SPPL3: variants seen among roughly 807,000 people sequenced by gnomAD.
SPPL3 encodes the protein signal peptide peptidase-like 3.
SPPL3 carries 5 observed loss-of-function variants against 42.4 expected under a neutral mutation model. The observed-to-expected ratio is 0.12, with a 90% confidence interval of 0.06 to 0.25. SPPL3 has a LOEUF of 0.25. Ranked by LOEUF, SPPL3 falls within the 10% of genes least tolerant of loss-of-function variation. SPPL3 has a pLI of 1.00. For missense variants in SPPL3, 235 were observed against 489.0 expected (o/e 0.48, Z 4.90); for synonymous variants, 195 against 181.8 (o/e 1.07, Z -0.58).
intron 1 of SPPL3, among the ~76,000 whole-genome samples, chr12:120,892,503 A>G (rs929599285): frequency 3.3e-5 from 5 of 152,196 alleles, no homozygotes; most frequent in African/African-American, 9.6e-5. Flanking sequence ...CAAACGAGGC[A>G]GAAGAGTCAC....
intron 1 of SPPL3, among the ~76,000 whole-genome samples, chr12:120,894,945 TCAAACAAACAAA>T (rs61465383): frequency 3.3e-5 from 5 of 150,528 alleles, no homozygotes; most frequent in African/African-American, 7.3e-5. Context: ...AGAGTCCGTC[TCAAACAAACAAA>T]CAAACAAACA....
At chr12:120,779,820 C>CAAAAAAAAAAAAAAAA (rs1164272443) in intron 6 of SPPL3, among the ~76,000 whole-genome samples, 5 of 42,778 alleles carry the variant, frequency 1.2e-4, no homozygotes, top group African/African-American at 3.5e-4. Flanking sequence ...ACTAAAAATA[C>CAAAAAAAAAAAAAAAA]AAAAAAAAAA....
At chr12:120,774,870 T>G (rs920391177) in intron 6 of SPPL3, among the ~76,000 whole-genome samples, 13 of 152,158 alleles carry the variant, frequency 8.5e-5, no homozygotes, top group African/African-American at 3.1e-4. Context: ...CACTTAACTT[T>G]TGGTTAAATG....
At chr12:120,897,594 G>A (rs547355246) in intron 1 of SPPL3, among the ~76,000 whole-genome samples, 3 of 152,014 alleles carry the variant, frequency 2.0e-5, no homozygotes, top group Non-Finnish European at 4.4e-5. Flanking sequence ...GTGGTGGCGG[G>A]TGCCTGTAGT....
At chr12:120,841,651 G>A (rs1329948409) in intron 1 of SPPL3, among the ~76,000 whole-genome samples, 1 of 152,162 alleles carries the variant, frequency 6.6e-6, no homozygotes, top group Non-Finnish European at 1.5e-5. Context: ...TCTGGAATAT[G>A]AAACAAAACG....
At chr12:120,800,738 T>C (rs1004395777) in intron 2 of SPPL3, among the ~76,000 whole-genome samples, 2 of 152,282 alleles carry the variant, frequency 1.3e-5, no homozygotes, top group East Asian at 1.9e-4. Flanking sequence ...CAATTATTGA[T>C]ACTTACATAG....
At chr12:120,854,347 T>C (rs998249726) in intron 1 of SPPL3, among the ~76,000 whole-genome samples, 2 of 152,236 alleles carry the variant, frequency 1.3e-5, no homozygotes, top group African/African-American at 4.8e-5. Flanking sequence ...GTTTTGGTGA[T>C]AAGTGTTGAA....
At chr12:120,884,739 T>C (rs184825891) in intron 1 of SPPL3, among the ~76,000 whole-genome samples, 82 of 151,742 alleles carry the variant, frequency 5.4e-4, no homozygotes, top group African/African-American at 1.9e-3. Flanking sequence ...CATAATTCCT[T>C]ATCTGACACC....
At chr12:120,806,322 C>T (rs951526729) in intron 2 of SPPL3, among the ~76,000 whole-genome samples, 13 of 151,556 alleles carry the variant, frequency 8.6e-5, no homozygotes, top group African/African-American at 2.2e-4. Flanking sequence ...CCTTAGCTCG[C>T]GAGTCGCTGG....
At chr12:120,856,060 C>A (rs1026125122) in intron 1 of SPPL3, among the ~76,000 whole-genome samples, 1 of 152,208 alleles carries the variant, frequency 6.6e-6, no homozygotes, top group Non-Finnish European at 1.5e-5. Context: ...CCACTAGCCA[C>A]ATGGGACTAC....
At chr12:120,814,521 A>G (rs1206307943) in intron 1 of SPPL3, among the ~76,000 whole-genome samples, 3 of 152,202 alleles carry the variant, frequency 2.0e-5, no homozygotes, top group South Asian at 4.1e-4. Flanking sequence ...TTCTAAAATT[A>G]TGTTTCTTGC....
intron 1 of SPPL3, among the ~76,000 whole-genome samples, chr12:120,827,502 G>C (rs1401412815): frequency 6.6e-6 from 1 of 152,006 alleles, no homozygotes; most frequent in African/African-American, 2.4e-5. Flanking sequence ...ATCAGCTTTA[G>C]AGATGAGGAT....
chr12:120,851,329 G>C (rs552573930), intron 1 of SPPL3, among the ~76,000 whole-genome samples: 2 of 151,630 alleles, frequency 1.3e-5, no homozygotes, highest in African/African-American at 4.8e-5. Context: ...TTCTCATACA[G>C]TTTTTTTTTA....
intron 1 of SPPL3, among the ~76,000 whole-genome samples, chr12:120,870,972 CA>C (rs531251027): frequency 1.6e-3 from 229 of 147,142 alleles, no homozygotes; most frequent in Middle Eastern, 0.01. Context: ...TACTAAAACA[CA>C]AAAAAAAACA....
intron 1 of SPPL3, among the ~76,000 whole-genome samples, chr12:120,899,888 C>CAAA (rs34814522): frequency 0.091 from 6,456 of 70,884 alleles, 747 homozygotes; most frequent in African/African-American, 0.17. Flanking sequence ...GACCCTGTCT[C>CAAA]AAAAAAAAAA....
intron 1 of SPPL3, among the ~76,000 whole-genome samples, chr12:120,875,077 A>G (rs1873046616): frequency 6.6e-6 from 1 of 152,172 alleles, no homozygotes; most frequent in Non-Finnish European, 1.5e-5. Flanking sequence ...GTAAACCTTC[A>G]GATACTCCCA....
chr12:120,866,022 T>C (rs548268390), intron 1 of SPPL3, among the ~76,000 whole-genome samples: 1 of 152,304 alleles, frequency 6.6e-6, no homozygotes, highest in Middle Eastern at 3.4e-3. Context: ...TGCCCGATGA[T>C]CTGTCACTGA....
chr12:120,894,966 CAAACA>C (rs1873755305), intron 1 of SPPL3, among the ~76,000 whole-genome samples: 1 of 151,634 alleles, frequency 6.6e-6, no homozygotes. Context: ...AACAAACAAA[CAAACA>C]AACCTGCTAA....
rs1270361587 is a variant in SPPL3 at position 120,768,318 on chromosome 12, G to C, written c.773+7C>G. The C allele has an allele frequency of 6.2e-7, 1 of 1,611,864 alleles. No homozygotes were observed. The highest frequency in any genetic ancestry group is 2.2e-5 in the East Asian group (1 of 44,860). Reference sequence around the variant, plus strand: ...CAGTGTGGTCCTGTCATAGCATGAGGTCTTACCTTGGGAAGACCAGTTTTC... The same window carrying C: ...CAGTGTGGTCCTGTCATAGCATGAGCTCTTACCTTGGGAAGACCAGTTTTC... On this transcript the variant is annotated splice_region_variant and intron_variant, in intron 8 of 10. Coordinates refer to ENST00000353487, the MANE Select transcript of SPPL3 (RefSeq NM_139015.5).
Sources: gnomAD v4.1 joint callset for allele counts (sites outside exome capture counted in the v4.1 genomes callset) on GRCh38, gnomAD v4.1.1 for gene constraint, MANE v1.5 for transcripts, NCBI Gene and HGNC (gene_info 2026-07-23, HGNC 2026-07-21) for gene names.